Variants in NBPF3 observed in about 807,000 individuals in gnomAD.
NBPF3 encodes NBPF member 3, also known as NBPF family member NBPF3.
A neutral mutation model predicts 78.1 loss-of-function variants in NBPF3; 57 were observed. The ratio of observed to expected loss-of-function variants is 0.73; its 90% confidence interval spans 0.59 to 0.91. NBPF3 has a LOEUF of 0.91. NBPF3 is among the 40% of genes least tolerant of loss of function. The pLI is 0.00. For missense variants in NBPF3, 510 were observed against 715.3 expected, an observed-to-expected ratio of 0.71 and a Z score of 3.27; for synonymous variants, 182 against 271.7, an observed-to-expected ratio of 0.67 and a Z score of 3.25.
chr1:21,473,637 A>G (rs1642732918), intron 7 of NBPF3, 52 bp downstream of exon 7: 1 of 1,457,898 alleles, frequency 6.9e-7, no homozygotes, highest in Admixed American at 1.7e-5. Context: ...GAGGAATATA[A>G]ACTCTGAAGA....
At chr1:21,441,202 T>G (rs1202091525) in intron 1 of NBPF3, among the ~76,000 whole-genome samples, 6 of 152,234 alleles carry the variant, frequency 3.9e-5, no homozygotes, top group Admixed American at 2.0e-4. Context: ...TTCACGAAGT[T>G]AAAGATCTGC....
chr1:21,468,986 AG>A (rs1642439589), intron 3 of NBPF3, 89 bp downstream of exon 3: 1 of 1,046,422 alleles, frequency 9.6e-7, no homozygotes, highest in Admixed American at 2.2e-5. Flanking sequence ...ATCAAAAATA[AG>A]TTCAACCCTC....
intron 11 of NBPF3, among the ~76,000 whole-genome samples, chr1:21,480,579 G>A (rs1267957957): frequency 1.3e-5 from 2 of 152,290 alleles, no homozygotes; most frequent in Non-Finnish European, 2.9e-5. Flanking sequence ...CGAATGAGCT[G>A]GGCATTTGAT....
At chr1:21,439,900 C>T (rs1640518722), upstream of NBPF3, among the ~76,000 whole-genome samples, 1 of 152,198 alleles carries the variant, frequency 6.6e-6, no homozygotes, top group African/African-American at 2.4e-5. Flanking sequence ...AGGGCTGGTG[C>T]TTTGAGAGAG....
chr1:21,464,298 G>A (rs1389475778), intron 2 of NBPF3, among the ~76,000 whole-genome samples: 13 of 152,166 alleles, frequency 8.5e-5, no homozygotes, highest in African/African-American at 3.1e-4. Context: ...AAAAGTTGAA[G>A]TACTGATGCA....
At chr1:21,437,262 G>GT (rs1303933821), upstream of NBPF3, 1 of 356,736 alleles carries the variant, frequency 2.8e-6, no homozygotes, top group African/African-American at 2.2e-5. Context: ...CCTCGGGGTG[G>GT]TGTCAGAACC....
intron 2 of NBPF3, among the ~76,000 whole-genome samples, chr1:21,458,993 A>G (rs1047140905): frequency 6.6e-5 from 10 of 152,244 alleles, no homozygotes; most frequent in African/African-American, 2.4e-4. Context: ...AGTAAAACAT[A>G]ATCGAGATTA....
At chr1:21,446,896 G>T (rs1248665970) in intron 2 of NBPF3, among the ~76,000 whole-genome samples, 1 of 152,114 alleles carries the variant, frequency 6.6e-6, no homozygotes, top group Non-Finnish European at 1.5e-5. Context: ...GCACTGTCTA[G>T]ATTGCTGAGG....
At chr1:21,457,356 ATATATATGTATG>A (rs149218959) in intron 2 of NBPF3, among the ~76,000 whole-genome samples, 23,880 of 141,682 alleles carry the variant, frequency 0.17, 2,347 homozygotes, top group Non-Finnish European at 0.22. Context: ...GTGTATATAT[ATATATATGTATG>A]TATATATATG....
chr1:21,437,337 T>C, upstream of NBPF3: 4 of 444,682 alleles, frequency 9.0e-6, no homozygotes, highest in Non-Finnish European at 1.6e-5. Flanking sequence ...TTGATTGGAG[T>C]TGTCCGGGAC....
At chr1:21,440,861 A>G (rs1335670584) in intron 1 of NBPF3, 2 of 152,222 alleles carry the variant, frequency 1.3e-5, no homozygotes, top group Non-Finnish European at 2.9e-5. Context: ...TGTAGCCATC[A>G]CTGAATCACC....
intron 2 of NBPF3, chr1:21,446,446 TTTCCTTCC>T (rs34605179): frequency 0.21 from 22,104 of 104,676 alleles, 2,338 homozygotes; most frequent in Non-Finnish European, 0.25. Flanking sequence ...AATTTGTTCA[TTTCCTTCC>T]TTCCTTCCTT....
chr1:21,468,593 A>C, intron 2 of NBPF3, 95 bp from the exon 3 acceptor site: 1 of 1,600,320 alleles, frequency 6.2e-7, no homozygotes, highest in Non-Finnish European at 8.5e-7. Context: ...ACAGTAAGTT[A>C]AGAATTTCAG....
At chr1:21,464,231 A>T (rs1235808768) in intron 2 of NBPF3, among the ~76,000 whole-genome samples, 1 of 152,274 alleles carries the variant, frequency 6.6e-6, no homozygotes, top group African/African-American at 2.4e-5. Context: ...AACCACCATC[A>T]GTTGATGAAT....
chr1:21,436,908 C>T (rs1451123661), upstream of NBPF3: 12 of 326,710 alleles, frequency 3.7e-5, no homozygotes, highest in Non-Finnish European at 6.4e-5. This position sits in a 1 kb window ranked among gnomAD's most constrained non-coding sequence, Gnocchi z 4.3. Context: ...GGAGGTCCGG[C>T]GGAGGAGTCT....
At position 21,470,810 on chromosome 1, in the gene NBPF3, C is replaced by G; in HGVS notation, c.446+76C>G. ...AAGTACAGCAGCTCGGCAGGGAGAACTAAGAGCTGAACTGGGCCAGGGGAA... is the reference window on the plus strand; with the variant it reads ...AAGTACAGCAGCTCGGCAGGGAGAAGTAAGAGCTGAACTGGGCCAGGGGAA... On this transcript the variant is annotated intron_variant, in intron 4 of 14. Transcript: ENST00000318249. The G allele has an allele frequency of 2.0e-5, 19 of 963,254 alleles. No individual in the cohort carries two copies. In the South Asian group the frequency reaches 2.3e-4, roughly 11 times the overall value. 59.7% of individuals were successfully genotyped at this position (963,254 alleles called of 1,614,324 possible).
At chr1:21,441,146 AC>A (rs1261132359) in intron 1 of NBPF3, among the ~76,000 whole-genome samples, 2 of 152,186 alleles carry the variant, frequency 1.3e-5, no homozygotes, top group Non-Finnish European at 1.5e-5. Flanking sequence ...TCTTTGGGTT[AC>A]GGTGTTGTTC....
intron 7 of NBPF3, 50 bp downstream of exon 7, chr1:21,473,635 T>C (rs1249493451): frequency 6.7e-7 from 1 of 1,485,846 alleles, no homozygotes; most frequent in East Asian, 2.3e-5. Context: ...CTGAGGAATA[T>C]AAACTCTGAA....
At chr1:21,455,333 A>T (rs1641540476) in intron 2 of NBPF3, among the ~76,000 whole-genome samples, 1 of 152,308 alleles carries the variant, frequency 6.6e-6, no homozygotes, top group Admixed American at 6.5e-5. Flanking sequence ...CTTTGTCTAC[A>T]CTCAGGAAGA....
Sources: gnomAD v4.1 joint callset for allele counts (sites outside exome capture counted in the v4.1 genomes callset) on GRCh38, gnomAD v4.1.1 for gene constraint, Gnocchi (gnomAD v3.1) non-coding constraint, MANE v1.5 for transcripts, NCBI Gene and HGNC (gene_info 2026-07-23, HGNC 2026-07-21) for gene names.